Variants in HR observed in about 807,000 individuals in gnomAD.
The protein encoded by HR is lysine-specific demethylase hairless.
In HR, 83 loss-of-function variants were observed where a neutral mutation model predicts 128.6. That is an observed-to-expected ratio of 0.65 (90% confidence interval 0.54 to 0.77). The LOEUF is 0.77. Among genes scored for constraint, HR ranks in the 30% least tolerant of loss-of-function variants. HR has a pLI of 0.00. For synonymous variants in HR, 681 were observed against 658.2 expected, an observed-to-expected ratio of 1.03 and a Z score of -0.53; for missense variants, 1,490 against 1,574.6, an observed-to-expected ratio of 0.95 and a Z score of 0.91.
In HR at chr8:22,116,178, C is replaced by G; in HGVS notation, c.3507+122G>C. On this transcript the variant is annotated intron_variant, in intron 18 of 18. Coordinates refer to ENST00000381418, the MANE Select transcript of HR (RefSeq NM_005144.5). This position sits in a 1 kb window ranked among gnomAD's most constrained non-coding sequence, Gnocchi z 4.2. ...AACTAAACAAAAGGAATACTCTGCC[C>G]CTGCACAGGGTGGCTGCCTGCTTGG... is the stretch of plus-strand genomic sequence containing the variant. 4 of 1,359,116 alleles carry G rather than the reference C, an allele frequency of 2.9e-6. No homozygotes were observed. In the Admixed American group the frequency reaches 7.0e-5, roughly 24 times the overall value. The allele number at this position is 1,359,116 out of a possible 1,614,324, so 84.2% of individuals were successfully genotyped here. A position where few individuals can be genotyped will look rare whatever the true frequency, so the allele number is the denominator to read the frequency against.
Position 22,126,423 on chromosome 8 carries a change from G to A in HR, c.1405+614C>T, listed in dbSNP as rs369511963. Reference sequence around the variant, plus strand: ...CAAGTGACTCCAGGGTGCGCCCAGAGCCCTAACACTGGCAGAGTCCAAACT... The same window carrying A: ...CAAGTGACTCCAGGGTGCGCCCAGAACCCTAACACTGGCAGAGTCCAAACT... On this transcript the variant is annotated intron_variant, in intron 3 of 18. Coordinates refer to ENST00000381418, the MANE Select transcript of HR (RefSeq NM_005144.5). Among the ~76,000 whole-genome samples the A allele has an allele frequency of 3.1e-4, 47 of 152,346 alleles. 3 individuals are homozygous for A. Among genetic ancestry groups the A allele is most frequent in the Admixed American group, 2.0e-3 (30 of 15,308 alleles).
At chr8:22,127,895 G>T in intron 2 of HR, 66 bp from the exon 3 acceptor site, 4 of 1,442,086 alleles carry the variant, frequency 2.8e-6, no homozygotes, top group Non-Finnish European at 3.9e-6. Context: ...TGGATGGGCA[G>T]AACTGACAAG....
At chr8:22,123,617 T>TTGGGGGGCGCC in intron 6 of HR, 32 bp downstream of exon 6, 1 of 292,092 alleles carries the variant, frequency 3.4e-6, no homozygotes, top group Non-Finnish European at 6.2e-6. Context: ...GAGGGCTCCA[T>TTGGGGGGCGCC]CCCGCCCTCC....
chr8:22,122,398 C>A, intron 8 of HR, 95 bp downstream of exon 8: 1 of 856,908 alleles, frequency 1.2e-6, no homozygotes, highest in South Asian at 1.5e-5. Flanking sequence ...GCTTCTCTCT[C>A]TTCATCCCCA....
intron 6 of HR, among the ~76,000 whole-genome samples, chr8:22,123,351 A>T (rs920307394): frequency 6.6e-6 from 1 of 152,356 alleles, no homozygotes; most frequent in East Asian, 1.9e-4. Flanking sequence ...AAACAAAAGC[A>T]GTAATACCCA....
chr8:22,120,697 G>T lies in HR; in HGVS notation c.2610+19C>A. 1 of 1,502,832 alleles carries T rather than the reference G, an allele frequency of 6.7e-7. No homozygotes were observed. The highest frequency in any genetic ancestry group is 8.9e-7 in the Non-Finnish European group (1 of 1,128,222). 93.1% of individuals were successfully genotyped at this position (1,502,832 alleles called of 1,614,324 possible). A position where few individuals can be genotyped will look rare whatever the true frequency, so the allele number is the denominator to read the frequency against. ...GGTGGGGTGGCCAGGGCCGGGAGGG[G>T]AGGGGAGGGGTGCCTCACCTGGCCC... On this transcript the variant is annotated intron_variant, in intron 11 of 18. Coordinates refer to ENST00000381418, the MANE Select transcript of HR (RefSeq NM_005144.5).
chr8:22,125,783 A>G, intron 3 of HR, 51 bp from the exon 4 acceptor site: 4 of 1,603,454 alleles, frequency 2.5e-6, no homozygotes, highest in Non-Finnish European at 3.4e-6. Flanking sequence ...GGCTGCTGAG[A>G]ACCCCATTCC....
At position 22,120,039 on chromosome 8, in the gene HR, A is replaced by G. The variant is rs1826695825; in HGVS notation, c.2846+65T>C. Reference sequence around the variant, plus strand: ...GGGGTTGGGGGCAGAGGAGGAGGGGAGGGCTGAACCAGGCGGGGCCTGCGG... The same window carrying G: ...GGGGTTGGGGGCAGAGGAGGAGGGGGGGGCTGAACCAGGCGGGGCCTGCGG... On this transcript the variant is annotated intron_variant, in intron 13 of 18. Transcript: ENST00000381418. The G allele has an allele frequency of 1.2e-5, 18 of 1,563,432 alleles. No homozygotes were observed. The Admixed American group carries it at 3.4e-4, about 30-fold the overall frequency.
intron 1 of HR, 150 bp from the exon 2 acceptor site, chr8:22,129,360 C>T (rs1563189907): frequency 3.4e-6 from 2 of 590,404 alleles, no homozygotes; most frequent in Middle Eastern, 4.5e-4. Context: ...CATGCTGCCT[C>T]TCCACATGCA....
At position 22,116,314 on chromosome 8, in the gene HR, G is replaced by A; in HGVS notation, c.3493C>T (p.Leu1165=). Residue 1165 remains leucine, a synonymous_variant, in exon 18 of 19, where the codon CTG becomes TTG. Coordinates refer to ENST00000381418, the MANE Select transcript of HR (RefSeq NM_005144.5). The surrounding 1 kb of genome is among the most constrained non-coding windows in gnomAD (Gnocchi z 4.2). The part of the protein sequence containing the change: ...QGPSLPPDCH[L]LYAQMDWAVF... The stretch of plus-strand genomic sequence containing the variant: ...ATCCCACTCACCTGGGCATAAAGCA[G>A]GTGGCAGTCAGGGGGAAGGCTGGGT... 1 of 1,612,398 alleles carries A rather than the reference G, an allele frequency of 6.2e-7. No individual in the cohort carries two copies. Among genetic ancestry groups the A allele is most frequent in the Non-Finnish European group, 8.5e-7 (1 of 1,179,860 alleles).
At chr8:22,129,585 T>C (rs1186330735) in intron 1 of HR, among the ~76,000 whole-genome samples, 2 of 152,248 alleles carry the variant, frequency 1.3e-5, no homozygotes, top group African/African-American at 4.8e-5. Flanking sequence ...TGTCCTATGC[T>C]GTATGGCCTT....
intron 14 of HR, among the ~76,000 whole-genome samples, 160 bp downstream of exon 14, chr8:22,119,600 T>C (rs1345553866): frequency 9.9e-5 from 14 of 141,048 alleles, no homozygotes; most frequent in Non-Finnish European, 2.1e-4. Context: ...AGAGCAAAAC[T>C]CCGTCTCAAC....
chr8:22,115,652 C>T lies in HR; in HGVS notation c.*48G>A. 2.6e-6 allele frequency: 4 copies of T among 1,550,138 alleles called. No homozygotes were observed. Among genetic ancestry groups the T allele is most frequent in the Non-Finnish European group, 3.6e-6 (4 of 1,122,036 alleles). On this transcript the variant is annotated 3_prime_UTR_variant, in exon 19 of 19. Transcript: ENST00000381418. The stretch of plus-strand genomic sequence containing the variant: ...CTGCTGAAGTTGTGCCTGGGCTGAG[C>T]ACCTGGTCTACCTGTCCCCACCCCG...
Position 22,128,947 on chromosome 8 carries a change from A to G in HR, c.224T>C (p.Leu75Pro). The G allele has an allele frequency of 6.2e-7, 1 of 1,613,424 alleles. No homozygotes were observed. The highest frequency in any genetic ancestry group is 8.5e-7 in the Non-Finnish European group (1 of 1,180,014). Reference sequence around the variant, plus strand: ...ATTCTGGGGGCCCTCGCCCTCCACAAGTGGGAGCATGTCCTTGGGGCCCTG... The same window carrying G: ...ATTCTGGGGGCCCTCGCCCTCCACAGGTGGGAGCATGTCCTTGGGGCCCTG... ...FPQGPKDMLP[L>P]VEGEGPQNGE... is the part of the protein sequence containing the mutation. The change falls in exon 2 of 19, where the codon CTT becomes CCT. Residue 75 changes from leucine to proline, a missense_variant. By Grantham distance (98) the Leu-to-Pro change is moderately conservative (BLOSUM62 -3). Around this residue, in one of 3 missense-constraint regions of HR, gnomAD observed 1,060 missense variants for 1,060.9 expected, o/e 1.00. Coordinates refer to ENST00000381418, the MANE Select transcript of HR (RefSeq NM_005144.5).
chr8:22,126,937 G>T, intron 3 of HR, 100 bp downstream of exon 3: 1 of 1,206,768 alleles, frequency 8.3e-7, no homozygotes, highest in Non-Finnish European at 1.2e-6. Flanking sequence ...ACCACTGGTT[G>T]TGGTCCACTC....
rs986621469 is a variant in HR, at chr8:22,116,757, C to T, written c.3378+118G>A. Reference sequence around the variant, plus strand: ...GTTATCTCTTCCCCACAGCAGCGTGCGGCTCCCTGCCCTGCCCGGCTCTTG... The same window carrying T: ...GTTATCTCTTCCCCACAGCAGCGTGTGGCTCCCTGCCCTGCCCGGCTCTTG... On this transcript the variant is annotated intron_variant, in intron 17 of 18. Coordinates refer to ENST00000381418, the MANE Select transcript of HR (RefSeq NM_005144.5). The surrounding 1 kb of genome is among the most constrained non-coding windows in gnomAD (Gnocchi z 4.2). 17 of 1,368,320 alleles carry T rather than the reference C, an allele frequency of 1.2e-5. No individual in the cohort carries two copies. Among genetic ancestry groups the T allele is most frequent in the Admixed American group, 3.9e-5 (2 of 50,788 alleles). 84.8% of individuals were successfully genotyped at this position (1,368,320 alleles called of 1,614,324 possible).
Position 22,127,728 on chromosome 8 carries a change from C to T in HR, c.714G>A (p.Gln238=). The change falls in exon 3 of 19, where the codon CAG becomes CAA. Residue 238 remains glutamine (Q), a synonymous_variant. Coordinates refer to ENST00000381418, the MANE Select transcript of HR (RefSeq NM_005144.5). ...LFGLNSGGHL[Q]RAGEAERPSL... is the part of the protein sequence containing the mutation. The stretch of plus-strand genomic sequence containing the variant: ...AAGGGCGTTCGGCCTCCCCGGCTCT[C>T]TGCAGGTGCCCACCAGAGTTTAAGC... 6.2e-7 allele frequency: 1 copy of T among 1,605,638 alleles called. No individual in the cohort carries two copies.
chr8:22,119,637 A>T, intron 14 of HR, 123 bp downstream of exon 14: 1 of 1,231,948 alleles, frequency 8.1e-7, no homozygotes. Context: ...AAAAAGAAAG[A>T]AAGAAATGGA....
chr8:22,127,961 G>T, intron 2 of HR, 132 bp from the exon 3 acceptor site: 2 of 921,772 alleles, frequency 2.2e-6, no homozygotes, highest in South Asian at 2.7e-5. Context: ...AAACAGCACT[G>T]CCCTAGGTCT....
Sources: gnomAD v4.1 joint callset for allele counts (sites outside exome capture counted in the v4.1 genomes callset) on GRCh38, gnomAD v4.1.1 for gene constraint, gnomAD v4.1.1 regional missense constraint, Gnocchi (gnomAD v3.1) non-coding constraint, MANE v1.5 for transcripts, NCBI Gene and HGNC (gene_info 2026-07-23, HGNC 2026-07-21) for gene names.